The following KSR2 variants were observed in gnomAD, a reference collection of about 807,000 sequenced individuals.
The protein encoded by KSR2 is kinase suppressor of ras 2.
Under a neutral mutation model 107.8 loss-of-function variants are expected in KSR2, and 25 were observed. The ratio of observed to expected loss-of-function variants is 0.23; its 90% CI spans 0.17 to 0.32. The LOEUF (loss-of-function observed/expected upper bound fraction) is 0.32, where lower values mean the gene tolerates loss of function less well. Among genes scored for constraint, KSR2 ranks in the 10% least tolerant of loss-of-function variants. The pLI, the probability that KSR2 is intolerant of heterozygous loss-of-function variation, is 1.00. For missense variants in KSR2, 887 were observed against 1,268.9 expected, an observed-to-expected ratio of 0.70 and a Z score of 4.57; for synonymous variants, 480 against 507.0, an observed-to-expected ratio of 0.95 and a Z score of 0.71.
chr12:117,947,258 A>AAAGAAAGAAAGAC (rs1566094758), intron 1 of KSR2, among the ~76,000 whole-genome samples: 1 of 72,404 alleles, frequency 1.4e-5, no homozygotes, highest in Non-Finnish European at 2.8e-5. Flanking sequence ...AGAAAGAAAG[A>AAAGAAAGAAAGAC]AGATAAACCA....
intron 1 of KSR2, among the ~76,000 whole-genome samples, chr12:117,953,636 C>A (rs1896428630): frequency 6.6e-6 from 1 of 152,094 alleles, no homozygotes; most frequent in Non-Finnish European, 1.5e-5. Flanking sequence ...ATGACAGTTA[C>A]CATGTGCTGG....
At chr12:117,670,233 T>C (rs1049325499) in intron 4 of KSR2, among the ~76,000 whole-genome samples, 3 of 152,356 alleles carry the variant, frequency 2.0e-5, no homozygotes, top group African/African-American at 4.8e-5. Flanking sequence ...TTCATCATAA[T>C]AATAACAGCA....
Position 117,470,789 on chromosome 12 carries a change from T to G in KSR2, c.2712+402A>C, listed in dbSNP as rs530757467. 3.3e-5 allele frequency among the ~76,000 whole-genome samples: 5 copies of G among 152,374 alleles called. No homozygotes were observed. The South Asian group carries it at 1.0e-3, about 32-fold the overall frequency. On this transcript the variant is annotated intron_variant, in intron 18 of 19. Coordinates refer to ENST00000339824, the MANE Select transcript of KSR2 (RefSeq NM_173598.6). ...ATATTAATGTATACCCAGGCTTCTC[T>G]GTTTCTGTATGTCTTGTTCTGAGTT...
At chr12:117,635,933 A>C (rs1171075137) in intron 5 of KSR2, among the ~76,000 whole-genome samples, 2 of 152,042 alleles carry the variant, frequency 1.3e-5, no homozygotes, top group Non-Finnish European at 2.9e-5. Flanking sequence ...CTAGGATTAC[A>C]GGCACACACC....
In KSR2 at chr12:117,456,429, T is replaced by A. The variant is rs2137087689; in HGVS notation, c.*10770A>T. The A allele has an allele frequency of 6.6e-6, 1 of 152,294 alleles. No individual in the cohort carries two copies. Among genetic ancestry groups the A allele is most frequent in the African/African-American group, 2.4e-5 (1 of 41,544 alleles). The allele number at this position is 152,294 out of a possible 1,614,324, so 9.4% of individuals were successfully genotyped here. A position where few individuals can be genotyped will look rare whatever the true frequency, so the allele number is the denominator to read the frequency against. ...AAGTTCATATGTACCCATCTAAACATTATTACTTGTAACACATGTAGAAAA... is the reference window on the plus strand; with the variant it reads ...AAGTTCATATGTACCCATCTAAACAATATTACTTGTAACACATGTAGAAAA... On this transcript the variant is annotated 3_prime_UTR_variant, in exon 20 of 20. Transcript: ENST00000339824.
chr12:117,704,962 T>C (rs1408903072), intron 4 of KSR2, among the ~76,000 whole-genome samples: 1 of 152,066 alleles, frequency 6.6e-6, no homozygotes, highest in Non-Finnish European at 1.5e-5. Context: ...TGGGAAGGAC[T>C]CATTTGTCTG....
At chr12:117,817,653 C>T (rs1891420182) in intron 3 of KSR2, among the ~76,000 whole-genome samples, 1 of 152,026 alleles carries the variant, frequency 6.6e-6, no homozygotes, top group Non-Finnish European at 1.5e-5. Context: ...TATCAATGGC[C>T]CCAATCCCTG....
At chr12:117,864,899 C>T (rs1453794935) in intron 1 of KSR2, among the ~76,000 whole-genome samples, 1 of 152,052 alleles carries the variant, frequency 6.6e-6, no homozygotes, top group African/African-American at 2.4e-5. Flanking sequence ...AGGATTTCAA[C>T]ATTTGAATCT....
chr12:117,736,915 T>C (rs1370355795), intron 4 of KSR2, among the ~76,000 whole-genome samples: 1 of 152,166 alleles, frequency 6.6e-6, no homozygotes, highest in Non-Finnish European at 1.5e-5. Context: ...ATAGGAGAGT[T>C]TTCTTCTCCC....
At chr12:117,878,081 G>A (rs1332209340) in intron 1 of KSR2, among the ~76,000 whole-genome samples, 1 of 148,476 alleles carries the variant, frequency 6.7e-6, no homozygotes, top group Non-Finnish European at 1.5e-5. Flanking sequence ...GGGTATGCAA[G>A]ACCAAGAATC....
chr12:117,548,421 T>C (rs534630053), intron 9 of KSR2, among the ~76,000 whole-genome samples: 25 of 152,312 alleles, frequency 1.6e-4, no homozygotes, highest in African/African-American at 5.8e-4. Context: ...ATAGTAAATA[T>C]ATATTTTCTT....
intron 3 of KSR2, among the ~76,000 whole-genome samples, chr12:117,828,850 T>C (rs1891851295): frequency 6.6e-6 from 1 of 152,160 alleles, no homozygotes; most frequent in Admixed American, 6.5e-5. Flanking sequence ...TGTCCCACTG[T>C]GAAAACAAGA....
intron 14 of KSR2, among the ~76,000 whole-genome samples, chr12:117,506,164 C>T (rs537878663): frequency 7.2e-5 from 11 of 152,316 alleles, no homozygotes; most frequent in African/African-American, 2.6e-4. Context: ...GATCCTCTAC[C>T]ACTAAGAAAG....
Position 117,860,384 on chromosome 12 carries a change from C to T in KSR2, c.228G>A (p.Lys76=), listed in dbSNP as rs773216968. The T allele has an allele frequency of 6.2e-7, 1 of 1,613,192 alleles. No individual in the cohort carries two copies. Among genetic ancestry groups the T allele is most frequent in the Non-Finnish European group, 8.5e-7 (1 of 1,179,640 alleles). The change falls in exon 2 of 20, where the codon AAG becomes AAA. Residue 76 remains lysine (K), a synonymous_variant. Transcript: ENST00000339824. ...YFSRQLSCKK[K]VALQERNAEL... The stretch of plus-strand genomic sequence containing the variant: ...CCGCGTTGCGCTCCTGCAAGGCTAC[C>T]TTCTTTTTGCAGGACAGCTGCCGGC...
intron 1 of KSR2, among the ~76,000 whole-genome samples, chr12:117,886,932 A>G (rs1335059077): frequency 6.6e-6 from 1 of 151,762 alleles, no homozygotes; most frequent in African/African-American, 2.4e-5. Context: ...TTTCATTGTT[A>G]TATTTTTTTG....
chr12:117,658,875 G>A lies in KSR2; in HGVS notation c.1171+8599C>T, dbSNP rs184401156. ...AAGATCGTGCAACCTGGTGTCTGAAGGCGTTATGGTTTTTAGTCTTGCCTC... is the reference window on the plus strand; with the variant it reads ...AAGATCGTGCAACCTGGTGTCTGAAAGCGTTATGGTTTTTAGTCTTGCCTC... On this transcript the variant is annotated intron_variant, in intron 5 of 19. Coordinates refer to ENST00000339824, the MANE Select transcript of KSR2 (RefSeq NM_173598.6). Among the ~76,000 whole-genome samples the A allele has an allele frequency of 1.0e-3, 155 of 152,254 alleles. 4 individuals carry two copies. Among genetic ancestry groups the A allele is most frequent in the Non-Finnish European group, 4.7e-4 (32 of 68,014 alleles).
intron 1 of KSR2, among the ~76,000 whole-genome samples, chr12:117,881,843 C>G (rs1894036599): frequency 6.6e-6 from 1 of 152,138 alleles, no homozygotes. Flanking sequence ...CTGTTAGTGA[C>G]TCAATGCATC....
chr12:117,954,965 T>C (rs1303764671), intron 1 of KSR2, among the ~76,000 whole-genome samples: 1 of 148,494 alleles, frequency 6.7e-6, no homozygotes, highest in Non-Finnish European at 1.5e-5. Flanking sequence ...TGCAGTGAGC[T>C]GAGATCGCGC....
At chr12:117,737,493 C>T (rs1398157792) in intron 4 of KSR2, among the ~76,000 whole-genome samples, 4 of 152,078 alleles carry the variant, frequency 2.6e-5, no homozygotes, top group African/African-American at 9.7e-5. Context: ...TTTAAATTGA[C>T]TTTTTGAGGC....
Sources: gnomAD v4.1 joint callset for allele counts (sites outside exome capture counted in the v4.1 genomes callset) on GRCh38, gnomAD v4.1.1 for gene constraint, MANE v1.5 for transcripts, NCBI Gene and HGNC (gene_info 2026-07-23, HGNC 2026-07-21) for gene names.